CHST10: variants seen among roughly 807,000 people sequenced by gnomAD.
CHST10 encodes carbohydrate sulfotransferase 10.
Under a neutral mutation model 34.7 loss-of-function variants are expected in CHST10, and 24 were observed. That is an observed-to-expected ratio of 0.69 (90% CI 0.50 to 0.97). CHST10 has a LOEUF of 0.97. Among genes scored for constraint, CHST10 ranks in the 50% least tolerant of loss-of-function variants. The probability of loss-of-function intolerance (pLI) is 0.00; values close to 1 mark genes in which losing one functional copy is unlikely to be tolerated. For missense variants in CHST10, 402 were observed against 452.1 expected, an observed-to-expected ratio of 0.89 and a Z score of 1.00; for synonymous variants, 161 against 169.3, an observed-to-expected ratio of 0.95 and a Z score of 0.38.
chr2:100,406,560 C>T lies in CHST10; in HGVS notation c.100+16G>A. ...CTAAATTAGCCAAAATTCGTTCCAC[C>T]ATGAAGCATACGTACCATCTGGGTC... On this transcript the variant is annotated intron_variant, in intron 3 of 6. Transcript: ENST00000264249. The T allele has an allele frequency of 6.2e-7, 1 of 1,613,822 alleles. No homozygotes were observed. Among genetic ancestry groups the T allele is most frequent in the Non-Finnish European group, 8.5e-7 (1 of 1,179,836 alleles).
At chr2:100,410,807 GA>G (rs1327320527) in intron 2 of CHST10, among the ~76,000 whole-genome samples, 28 of 152,284 alleles carry the variant, frequency 1.8e-4, no homozygotes, top group African/African-American at 6.7e-4. Context: ...GGGGGTTTAG[GA>G]AATCATGCCG....
chr2:100,398,449 T>C (rs1675178998), intron 4 of CHST10, among the ~76,000 whole-genome samples: 1 of 152,194 alleles, frequency 6.6e-6, no homozygotes, highest in African/African-American at 2.4e-5. Context: ...CTCATGTCTG[T>C]AATCCCAGCA....
chr2:100,393,461 G>A lies in CHST10; in HGVS notation c.855C>T (p.Thr285=), dbSNP rs776053923. Residue 285 remains threonine, a synonymous_variant, in exon 7 of 7, where the codon ACC becomes ACT. Coordinates refer to ENST00000264249, the MANE Select transcript of CHST10 (RefSeq NM_004854.5). ...AGATGTATGGGGCATCGTCCTCCAGGGTCTCGTGGTGTCCAATCACACTGT... is the reference window on the plus strand; with the variant it reads ...AGATGTATGGGGCATCGTCCTCCAGAGTCTCGTGGTGTCCAATCACACTGT... ...IMYSVIGHHE[T]LEDDAPYILK... 60 of 1,613,990 alleles carry A rather than the reference G, an allele frequency of 3.7e-5. No individual in the cohort carries two copies. In the South Asian group the frequency reaches 6.3e-4, roughly 17 times the overall value.
At chr2:100,409,090 G>A (rs1436833106) in intron 2 of CHST10, among the ~76,000 whole-genome samples, 4 of 152,170 alleles carry the variant, frequency 2.6e-5, no homozygotes, top group Non-Finnish European at 1.5e-5. Flanking sequence ...CGCTGACTCT[G>A]CAGAGCATGT....
chr2:100,414,726 A>T (rs1199934844), intron 2 of CHST10, among the ~76,000 whole-genome samples: 1 of 152,148 alleles, frequency 6.6e-6, no homozygotes, highest in Non-Finnish European at 1.5e-5. Flanking sequence ...AGTTAGGAGA[A>T]TGAAAACACT....
At chr2:100,406,524 T>C in intron 3 of CHST10, 52 bp downstream of exon 3, 2 of 1,607,358 alleles carry the variant, frequency 1.2e-6, no homozygotes, top group South Asian at 1.1e-5. Flanking sequence ...GGAACAGTGT[T>C]GCAGCTAGGT....
At position 100,392,873 on chromosome 2, in the gene CHST10, A is replaced by G; in HGVS notation, c.*372T>C. On this transcript the variant is annotated 3_prime_UTR_variant, in exon 7 of 7. Coordinates refer to ENST00000264249, the MANE Select transcript of CHST10 (RefSeq NM_004854.5). Reference sequence around the variant, plus strand: ...ATGGGTGAAGCCACCCTGACTAGCCAGGAGAACCTCAGGGGCATCCCCTTC... The same window carrying G: ...ATGGGTGAAGCCACCCTGACTAGCCGGGAGAACCTCAGGGGCATCCCCTTC... 4.3e-6 allele frequency: 1 copy of G among 230,608 alleles called. No individual in the cohort carries two copies. The highest frequency in any genetic ancestry group is 8.3e-5 in the South Asian group (1 of 12,056). The allele number at this position is 230,608 out of a possible 1,614,324, so 14.3% of individuals were successfully genotyped here. A position where few individuals can be genotyped will look rare whatever the true frequency, so the allele number is the denominator to read the frequency against.
At position 100,393,487 on chromosome 2, in the gene CHST10, A is replaced by C; in HGVS notation, c.829T>G (p.Tyr277Asp). Residue 277 changes from tyrosine to aspartate, a missense_variant, in exon 7 of 7, where the codon TAC (tyrosine) becomes GAC (aspartate). Coordinates refer to ENST00000264249, the MANE Select transcript of CHST10 (RefSeq NM_004854.5). ...VELCAPCEIM[Y>D]SVIGHHETLE... ...GTCTCGTGGTGTCCAATCACACTGT[A>C]CATTATCTCACAGGGAGCACAGAGC... 2 of 1,614,044 alleles carry C rather than the reference A, an allele frequency of 1.2e-6. No homozygotes were observed. Among genetic ancestry groups the C allele is most frequent in the Non-Finnish European group, 1.7e-6 (2 of 1,180,012 alleles).
chr2:100,404,436 G>A (rs4149514), intron 3 of CHST10, among the ~76,000 whole-genome samples: 19,915 of 152,148 alleles, frequency 0.13, 3,537 homozygotes, highest in African/African-American at 0.4. Flanking sequence ...GGACCGCTGC[G>A]GTGCTCCTCT....
Position 100,393,705 on chromosome 2 carries a change from A to G in CHST10, c.611T>C (p.Val204Ala). The stretch of plus-strand genomic sequence containing the variant: ...CCAAGGCTCAAACCGGGGATTGTGA[A>G]CAAATTTATCCTTAAATGCAGAAAT... The part of the protein sequence containing the change: ...RLISAFKDKF[V>A]HNPRFEPWYR... The change falls in exon 7 of 7, where the codon GTT becomes GCT. Residue 204 changes from valine to alanine, a missense_variant. By Grantham distance (64) the Val-to-Ala change is moderately conservative. Transcript: ENST00000264249. The G allele has an allele frequency of 6.2e-7, 1 of 1,614,076 alleles. No individual in the cohort carries two copies. Among genetic ancestry groups the G allele is most frequent in the Non-Finnish European group, 8.5e-7 (1 of 1,180,010 alleles).
rs1676121076 is a variant in CHST10, at chr2:100,417,542, C to G, written c.-272G>C. Reference sequence around the variant, plus strand: ...CTCCGCGCCGCGGCCCGTCGGGTCCCGGGATGTGGCGGCGGCGGCAGCGGA... The same window carrying G: ...CTCCGCGCCGCGGCCCGTCGGGTCCGGGGATGTGGCGGCGGCGGCAGCGGA... On this transcript the variant is annotated 5_prime_UTR_variant, in exon 1 of 7. Coordinates refer to ENST00000264249, the MANE Select transcript of CHST10 (RefSeq NM_004854.5). The G allele has an allele frequency of 6.6e-6, 1 of 151,878 alleles. No homozygotes were observed. The allele number at this position is 151,878 out of a possible 1,614,324, so 9.4% of individuals were successfully genotyped here.
intron 2 of CHST10, among the ~76,000 whole-genome samples, chr2:100,409,555 G>A (rs576552844): frequency 6.6e-6 from 1 of 152,044 alleles, no homozygotes; most frequent in Non-Finnish European, 1.5e-5. Context: ...TTTCACCTGG[G>A]CTGGGGTCAG....
rs532803480 is a variant in CHST10 at position 100,393,706 on chromosome 2, C to A, written c.610G>T (p.Val204Phe). 2 of 1,614,004 alleles carry A rather than the reference C, an allele frequency of 1.2e-6. No individual in the cohort carries two copies. Among genetic ancestry groups the A allele is most frequent in the South Asian group, 1.1e-5 (1 of 91,066 alleles). Residue 204 changes from valine (V) to phenylalanine (F), a missense_variant, in exon 7 of 7, where the codon GTT becomes TTT. By Grantham distance (50) the Val-to-Phe change is conservative (BLOSUM62 -1). Coordinates refer to ENST00000264249, the MANE Select transcript of CHST10 (RefSeq NM_004854.5). ...RLISAFKDKF[V>F]HNPRFEPWYR... ...CAAGGCTCAAACCGGGGATTGTGAA[C>A]AAATTTATCCTTAAATGCAGAAATA...
intron 4 of CHST10, among the ~76,000 whole-genome samples, chr2:100,399,732 C>A (rs1675249163): frequency 6.6e-6 from 1 of 152,148 alleles, no homozygotes; most frequent in South Asian, 2.1e-4. Context: ...ACACTCATGA[C>A]CTCTGGCCAG....
At chr2:100,405,718 C>G (rs1389944061) in intron 3 of CHST10, among the ~76,000 whole-genome samples, 1 of 152,208 alleles carries the variant, frequency 6.6e-6, no homozygotes, top group Non-Finnish European at 1.5e-5. Flanking sequence ...TCCACGTTCC[C>G]CAGTATCTCC....
At chr2:100,402,489 A>G in intron 4 of CHST10, 75 bp downstream of exon 4, 1 of 1,200,356 alleles carries the variant, frequency 8.3e-7, no homozygotes, top group Non-Finnish European at 1.2e-6. Context: ...GGAACCAGCC[A>G]CAGGGGAAGG....
chr2:100,412,779 T>C (rs1675900516), intron 2 of CHST10, among the ~76,000 whole-genome samples: 1 of 152,170 alleles, frequency 6.6e-6, no homozygotes, highest in African/African-American at 2.4e-5. Context: ...ATTACAAGTG[T>C]TCCAAATACA....
chr2:100,394,374 A>C (rs1674952020), intron 6 of CHST10, among the ~76,000 whole-genome samples: 1 of 152,144 alleles, frequency 6.6e-6, no homozygotes, highest in South Asian at 2.1e-4. Context: ...AGACGATGAC[A>C]ACAGTGACAT....
At chr2:100,409,555 G>C (rs576552844) in intron 2 of CHST10, among the ~76,000 whole-genome samples, 2 of 152,158 alleles carry the variant, frequency 1.3e-5, no homozygotes, top group East Asian at 3.9e-4. Flanking sequence ...TTTCACCTGG[G>C]CTGGGGTCAG....
Sources: allele counts gnomAD v4.1 joint callset (sites outside exome capture counted in the v4.1 genomes callset), GRCh38; gene constraint gnomAD v4.1.1; transcripts MANE v1.5; gene names NCBI Gene and HGNC (gene_info 2026-07-23, HGNC 2026-07-21).